TTC27: variants seen among roughly 807,000 people sequenced by gnomAD.
TTC27 encodes tetratricopeptide repeat domain 27, also known as tetratricopeptide repeat protein 27.
Under a neutral mutation model 115.9 loss-of-function variants are expected in TTC27, and 79 were observed. The ratio of observed to expected loss-of-function variants is 0.68; its 90% CI spans 0.57 to 0.82. The LOEUF is 0.82. TTC27 is among the 40% of genes least tolerant of loss of function. The probability of loss-of-function intolerance (pLI) is 0.00; values close to 1 mark genes in which losing one functional copy is unlikely to be tolerated. For missense variants in TTC27, 1,054 were observed against 993.1 expected (o/e 1.06, Z -0.82); for synonymous variants, 401 against 356.0 (o/e 1.13, Z -1.42).
At chr2:32,700,609 C>T (rs1667152560) in intron 9 of TTC27, among the ~76,000 whole-genome samples, 1 of 152,156 alleles carries the variant, frequency 6.6e-6, no homozygotes, top group Non-Finnish European at 1.5e-5. Context: ...GCAATCTCGG[C>T]TCACTGCAAC....
intron 16 of TTC27, among the ~76,000 whole-genome samples, chr2:32,805,957 C>G (rs1671116518): frequency 6.6e-6 from 1 of 152,124 alleles, no homozygotes; most frequent in Non-Finnish European, 1.5e-5. Context: ...TCTAGCTGAT[C>G]TTGATACTTG....
chr2:32,721,303 A>G (rs1158616099), intron 10 of TTC27, among the ~76,000 whole-genome samples: 2 of 152,180 alleles, frequency 1.3e-5, no homozygotes, highest in Non-Finnish European at 2.9e-5. Context: ...AACCCAATTC[A>G]AACTGGCCAT....
At chr2:32,820,668 C>A in intron 19 of TTC27, 148 bp from the exon 20 acceptor site, 1 of 598,342 alleles carries the variant, frequency 1.7e-6, no homozygotes, top group Non-Finnish European at 2.4e-6. Context: ...CATTTCTTGG[C>A]TAGTGAACAG....
At chr2:32,820,129 C>G (rs906231402) in intron 19 of TTC27, among the ~76,000 whole-genome samples, 1 of 152,190 alleles carries the variant, frequency 6.6e-6, no homozygotes, top group Admixed American at 6.5e-5. Context: ...AAAACATATA[C>G]ACAGTCGCAT....
chr2:32,702,260 C>A (rs1355916602), intron 9 of TTC27, among the ~76,000 whole-genome samples: 2 of 152,040 alleles, frequency 1.3e-5, no homozygotes, highest in African/African-American at 2.4e-5. Flanking sequence ...TTGTGGTAAT[C>A]TTTACTGAAA....
At chr2:32,663,605 C>T (rs1001465726) in intron 5 of TTC27, among the ~76,000 whole-genome samples, 2 of 151,956 alleles carry the variant, frequency 1.3e-5, no homozygotes, top group African/African-American at 2.4e-5. Context: ...GGGAGCTGTT[C>T]CTATTGGCCA....
intron 10 of TTC27, 101 bp from the exon 11 acceptor site, chr2:32,733,727 C>A (rs999755118): frequency 1.6e-6 from 1 of 630,608 alleles, no homozygotes. Flanking sequence ...GACTTAAGTT[C>A]TTTGTTGTTT....
intron 9 of TTC27, among the ~76,000 whole-genome samples, chr2:32,692,350 A>G (rs1666846204): frequency 6.6e-6 from 1 of 152,084 alleles, no homozygotes; most frequent in Admixed American, 6.5e-5. Context: ...ATGTAATTCC[A>G]CATGAAGTAC....
chr2:32,740,582 C>G (rs186141404), intron 12 of TTC27, among the ~76,000 whole-genome samples: 35 of 152,238 alleles, frequency 2.3e-4, no homozygotes, highest in Admixed American at 1.9e-3. Flanking sequence ...AGTAACTTCT[C>G]TCTGTTTCCA....
chr2:32,653,141 G>A (rs919100530), intron 5 of TTC27, among the ~76,000 whole-genome samples: 15 of 152,186 alleles, frequency 9.9e-5, no homozygotes, highest in African/African-American at 3.4e-4. Flanking sequence ...AACATGTTAT[G>A]TATAGTGCAT....
chr2:32,635,787 G>A (rs1315409811), intron 3 of TTC27, among the ~76,000 whole-genome samples: 1 of 152,078 alleles, frequency 6.6e-6, no homozygotes, highest in Non-Finnish European at 1.5e-5. Context: ...AAGAGAAGAA[G>A]TGCAAAAACA....
intron 16 of TTC27, among the ~76,000 whole-genome samples, chr2:32,790,203 C>T (rs1670487648): frequency 1.3e-5 from 2 of 151,758 alleles, no homozygotes; most frequent in South Asian, 4.2e-4. Flanking sequence ...GTTCTGATTC[C>T]AATGTAACAT....
chr2:32,660,075 C>A (rs184176254), intron 5 of TTC27, among the ~76,000 whole-genome samples: 194 of 152,232 alleles, frequency 1.3e-3, no homozygotes, highest in African/African-American at 4.2e-3. Flanking sequence ...GTTCTAGATC[C>A]TTGAAGAATC....
chr2:32,675,937 G>A (rs1203339158), intron 8 of TTC27, among the ~76,000 whole-genome samples: 2 of 151,834 alleles, frequency 1.3e-5, no homozygotes, highest in East Asian at 1.9e-4. Flanking sequence ...GATTACAGGC[G>A]CCCACCACCA....
chr2:32,745,051 T>C, intron 12 of TTC27, among the ~76,000 whole-genome samples: 1 of 60,220 alleles, frequency 1.7e-5, no homozygotes, highest in Admixed American at 2.5e-4. Flanking sequence ...GTGAACTCTG[T>C]CTCAAAAAAA....
intron 10 of TTC27, chr2:32,704,744 T>C (rs931504135): frequency 4.9e-6 from 2 of 405,384 alleles, no homozygotes; most frequent in African/African-American, 2.1e-5. Context: ...ATGGGCTAGT[T>C]ATTTTGGAGA....
chr2:32,637,044 T>G (rs757781200), intron 3 of TTC27, among the ~76,000 whole-genome samples: 2 of 152,228 alleles, frequency 1.3e-5, no homozygotes, highest in Non-Finnish European at 2.9e-5. Context: ...TTTTAACTTT[T>G]TTATTGGAAC....
At chr2:32,774,306 G>A (rs1669926989) in intron 13 of TTC27, among the ~76,000 whole-genome samples, 1 of 150,850 alleles carries the variant, frequency 6.6e-6, no homozygotes, top group Non-Finnish European at 1.5e-5. Flanking sequence ...TCAGTCTCCC[G>A]AGTAGCTGGG....
At chr2:32,649,074 A>G (rs547246921) in intron 4 of TTC27, among the ~76,000 whole-genome samples, 6 of 152,192 alleles carry the variant, frequency 3.9e-5, no homozygotes, top group Non-Finnish European at 7.4e-5. Flanking sequence ...TGGCTCAAAT[A>G]GAGTTATAAA....
Sources: allele counts gnomAD v4.1 joint callset (sites outside exome capture counted in the v4.1 genomes callset), GRCh38; gene constraint gnomAD v4.1.1; transcripts MANE v1.5; gene names NCBI Gene and HGNC (gene_info 2026-07-23, HGNC 2026-07-21).